The following DCDC1 variants were observed in gnomAD, a reference collection of about 807,000 sequenced individuals.
DCDC1 encodes doublecortin domain containing 1.
DCDC1 carries 200 observed loss-of-function variants against 178.3 expected under a neutral mutation model. That is an observed-to-expected ratio of 1.12 (90% confidence interval 1.00 to 1.26). The LOEUF (loss-of-function observed/expected upper bound fraction) is 1.26, where lower values mean the gene tolerates loss of function less well. Among genes scored for constraint, DCDC1 ranks in the 50% most tolerant of loss-of-function variants. The pLI, the probability that DCDC1 is intolerant of heterozygous loss-of-function variation, is 0.00. For missense variants in DCDC1, 1,983 were observed against 1,749.2 expected (o/e 1.13, Z -2.38); for synonymous variants, 690 against 604.8 (o/e 1.14, Z -2.07).
chr11:31,036,220 G>T (rs964292137), intron 20 of DCDC1, among the ~76,000 whole-genome samples: 29 of 152,166 alleles, frequency 1.9e-4, no homozygotes, highest in Non-Finnish European at 4.4e-5. Context: ...ATAGGCATTT[G>T]TTGACTGTGC....
chr11:31,091,561 C>T, intron 16 of DCDC1, 50 bp from the exon 17 acceptor site: 1 of 698,086 alleles, frequency 1.4e-6, no homozygotes, highest in East Asian at 2.7e-5. Flanking sequence ...TTAAAAGAAC[C>T]AGAAAATTCA....
chr11:31,206,920 T>C lies in DCDC1; in HGVS notation c.1221+34530A>G, dbSNP rs532676314. On this transcript the variant is annotated intron_variant, in intron 9 of 38. Transcript: ENST00000684477. ...TCACAGGTAATTTCATAAAACATTA[T>C]AGTTGTATATATTTTTAATATTGTT... 1.1e-4 allele frequency among the ~76,000 whole-genome samples: 17 copies of C among 152,338 alleles called. No homozygotes were observed. In the East Asian group the frequency reaches 3.1e-3, roughly 28 times the overall value.
chr11:31,159,699 T>C (rs1219372466), intron 9 of DCDC1, among the ~76,000 whole-genome samples: 1 of 152,188 alleles, frequency 6.6e-6, no homozygotes, highest in Non-Finnish European at 1.5e-5. Flanking sequence ...TTTCCTCTTC[T>C]CTATTAATAG....
intron 9 of DCDC1, among the ~76,000 whole-genome samples, chr11:31,202,768 T>C (rs1354894713): frequency 1.3e-5 from 2 of 152,182 alleles, no homozygotes; most frequent in Admixed American, 6.5e-5. Context: ...CAGACAGAGT[T>C]TGTTGAGAGT....
intron 20 of DCDC1, among the ~76,000 whole-genome samples, chr11:31,061,547 C>A (rs576007111): frequency 6.6e-6 from 1 of 151,672 alleles, no homozygotes; most frequent in Non-Finnish European, 1.5e-5. Context: ...GTAGATAAAT[C>A]CCTGCCTTAA....
intron 17 of DCDC1, among the ~76,000 whole-genome samples, chr11:31,082,482 T>C (rs771103022): frequency 2.6e-5 from 4 of 152,206 alleles, no homozygotes; most frequent in Non-Finnish European, 4.4e-5. Flanking sequence ...TGCTAAGTAG[T>C]GTAACCCTAT....
chr11:30,870,467 G>C (rs1474075495), intron 38 of DCDC1, among the ~76,000 whole-genome samples: 1 of 152,198 alleles, frequency 6.6e-6, no homozygotes, highest in Non-Finnish European at 1.5e-5. Flanking sequence ...TCTGGCCTTT[G>C]AGAGTGAGGT....
intron 20 of DCDC1, among the ~76,000 whole-genome samples, chr11:30,954,056 G>A (rs466372): frequency 5.8e-5 from 8 of 137,172 alleles, no homozygotes; most frequent in Non-Finnish European, 9.0e-5. Flanking sequence ...CTGTCGCCCA[G>A]GCTGGAATGC....
At chr11:31,030,165 T>C (rs912232103) in intron 20 of DCDC1, among the ~76,000 whole-genome samples, 2 of 151,836 alleles carry the variant, frequency 1.3e-5, no homozygotes, top group Non-Finnish European at 2.9e-5. Context: ...AATTTTGAAC[T>C]GCTTATCTTT....
At chr11:31,012,432 C>A (rs902563765) in intron 20 of DCDC1, among the ~76,000 whole-genome samples, 1 of 151,816 alleles carries the variant, frequency 6.6e-6, no homozygotes, top group African/African-American at 2.4e-5. Flanking sequence ...GAGACCTCAT[C>A]TCTACAAAAT....
At chr11:31,146,234 G>T (rs1440983039) in intron 9 of DCDC1, among the ~76,000 whole-genome samples, 2 of 151,964 alleles carry the variant, frequency 1.3e-5, no homozygotes, top group Non-Finnish European at 2.9e-5. Context: ...ACCATGCCTG[G>T]CTAATTTTTT....
intron 12 of DCDC1, among the ~76,000 whole-genome samples, chr11:31,109,424 T>C (rs2135789762): frequency 6.6e-6 from 1 of 152,254 alleles, no homozygotes; most frequent in South Asian, 2.1e-4. Context: ...TCAGTTATGT[T>C]ATGGTAAAAA....
chr11:30,911,908 A>G lies in DCDC1; in HGVS notation c.3654-488T>C, dbSNP rs145478008. 2.6e-5 allele frequency among the ~76,000 whole-genome samples: 4 copies of G among 152,192 alleles called. No individual in the cohort carries two copies. The East Asian group carries it at 7.7e-4, about 29-fold the overall frequency. On this transcript the variant is annotated intron_variant, in intron 27 of 38. Coordinates refer to ENST00000684477, the MANE Select transcript of DCDC1 (RefSeq NM_001387274.1). ...TATTATGTCCTGCTCACTCAGTGTTATGGTTTGAATGCCCCTCCAAAACTC... is the reference window on the plus strand; with the variant it reads ...TATTATGTCCTGCTCACTCAGTGTTGTGGTTTGAATGCCCCTCCAAAACTC...
At chr11:31,000,936 T>G (rs1354696198) in intron 20 of DCDC1, among the ~76,000 whole-genome samples, 2 of 152,186 alleles carry the variant, frequency 1.3e-5, no homozygotes, top group Admixed American at 6.5e-5. Flanking sequence ...TATACAAATT[T>G]GTAAAGAGAT....
chr11:31,346,463 C>CAAAA (rs377761189), intron 1 of DCDC1, among the ~76,000 whole-genome samples: 21 of 83,688 alleles, frequency 2.5e-4, no homozygotes, highest in East Asian at 1.5e-3. Flanking sequence ...GACTCCGTCT[C>CAAAA]AAAAAAAAAA....
At chr11:31,284,938 C>T (rs1946708257) in intron 7 of DCDC1, among the ~76,000 whole-genome samples, 1 of 152,106 alleles carries the variant, frequency 6.6e-6, no homozygotes, top group South Asian at 2.1e-4. Context: ...CATGCCCGGC[C>T]ATGTTAATGT....
intron 7 of DCDC1, among the ~76,000 whole-genome samples, chr11:31,287,319 A>C (rs2137353899): frequency 6.6e-6 from 1 of 152,046 alleles, no homozygotes; most frequent in East Asian, 1.9e-4. Flanking sequence ...AGGCAAAGAT[A>C]AGCAAATCTC....
chr11:31,022,165 A>G (rs1445207150), intron 20 of DCDC1, among the ~76,000 whole-genome samples: 3 of 152,174 alleles, frequency 2.0e-5, no homozygotes, highest in Non-Finnish European at 4.4e-5. Flanking sequence ...AGGGCCTACA[A>G]GTCCAAAATC....
intron 8 of DCDC1, among the ~76,000 whole-genome samples, chr11:31,259,283 G>A (rs1565509149): frequency 6.6e-6 from 1 of 152,042 alleles, no homozygotes; most frequent in Non-Finnish European, 1.5e-5. Context: ...AACCCGGGAG[G>A]CGGAGGTTGC....
Sources: gnomAD v4.1 joint callset for allele counts (sites outside exome capture counted in the v4.1 genomes callset) on GRCh38, gnomAD v4.1.1 for gene constraint, MANE v1.5 for transcripts, NCBI Gene and HGNC (gene_info 2026-07-23, HGNC 2026-07-21) for gene names.